UVRAG: variants seen among roughly 807,000 people sequenced by gnomAD.
UVRAG encodes UV radiation resistance-associated gene protein.
A neutral mutation model predicts 78.0 loss-of-function variants in UVRAG; 19 were observed. That is an observed-to-expected ratio of 0.24 (90% CI 0.17 to 0.36). The LOEUF (loss-of-function observed/expected upper bound fraction) is 0.36. UVRAG is among the 10% of genes least tolerant of loss of function. The pLI is 1.00. For synonymous variants in UVRAG, 323 were observed against 324.6 expected, an observed-to-expected ratio of 1.00 and a Z score of 0.05; for missense variants, 740 against 853.8, an observed-to-expected ratio of 0.87 and a Z score of 1.66.
intron 2 of UVRAG, among the ~76,000 whole-genome samples, chr11:75,853,874 G>A (rs1350861051): frequency 6.6e-6 from 1 of 151,982 alleles, no homozygotes; most frequent in Non-Finnish European, 1.5e-5. Flanking sequence ...CTGGGTTCAA[G>A]CAATTCTCCT....
At chr11:75,920,769 A>T (rs1409169514) in intron 6 of UVRAG, among the ~76,000 whole-genome samples, 2 of 152,172 alleles carry the variant, frequency 1.3e-5, no homozygotes, top group Non-Finnish European at 2.9e-5. Flanking sequence ...TATATAATTT[A>T]TGGTTTATGT....
intron 13 of UVRAG, among the ~76,000 whole-genome samples, chr11:76,086,981 A>T (rs1369456290): frequency 6.6e-6 from 1 of 152,224 alleles, no homozygotes; most frequent in Non-Finnish European, 1.5e-5. Flanking sequence ...TTATTGATGT[A>T]ATTTAACTTA....
intron 6 of UVRAG, chr11:75,930,931 C>CTT (rs1555089498): frequency 3.4e-5 from 4 of 118,776 alleles, no homozygotes; most frequent in Admixed American, 1.6e-4. Flanking sequence ...TCGGGATTTT[C>CTT]TTTCTTTCTT....
intron 12 of UVRAG, among the ~76,000 whole-genome samples, chr11:76,047,562 G>T (rs1231507972): frequency 6.6e-6 from 1 of 152,048 alleles, no homozygotes; most frequent in Non-Finnish European, 1.5e-5. Flanking sequence ...ACAAGGGAAG[G>T]GAAAAGAAAA....
At chr11:76,111,907 T>TA (rs111492918) in intron 13 of UVRAG, among the ~76,000 whole-genome samples, 15,337 of 119,098 alleles carry the variant, frequency 0.13, 2,240 homozygotes, top group African/African-American at 0.37. Flanking sequence ...CCTCTAATAT[T>TA]AAAAAAAAAA....
chr11:75,968,687 G>A (rs371215921), intron 7 of UVRAG, among the ~76,000 whole-genome samples: 1 of 152,128 alleles, frequency 6.6e-6, no homozygotes, highest in African/African-American at 2.4e-5. Flanking sequence ...TCCTAGCCAG[G>A]CATATCCCTG....
chr11:76,031,458 G>T (rs567651118), intron 12 of UVRAG, among the ~76,000 whole-genome samples: 8 of 152,250 alleles, frequency 5.3e-5, no homozygotes, highest in Admixed American at 2.0e-4. Context: ...ACACTTGGAG[G>T]TATATTGTTG....
chr11:76,021,865 A>G (rs1950251445), intron 12 of UVRAG, among the ~76,000 whole-genome samples: 1 of 152,146 alleles, frequency 6.6e-6, no homozygotes, highest in East Asian at 1.9e-4. Flanking sequence ...ACCAGCCTAG[A>G]CAACATGGCG....
chr11:75,898,334 A>G (rs544550233), intron 5 of UVRAG, among the ~76,000 whole-genome samples: 1 of 152,300 alleles, frequency 6.6e-6, no homozygotes, highest in South Asian at 2.1e-4. Context: ...ATTTCTGTAC[A>G]ATGAATTGCC....
At chr11:75,864,038 A>G (rs1946482373) in intron 3 of UVRAG, among the ~76,000 whole-genome samples, 1 of 149,258 alleles carries the variant, frequency 6.7e-6, no homozygotes, top group Non-Finnish European at 1.5e-5. Flanking sequence ...TTTCTTTTAT[A>G]TCTTAATAAA....
chr11:75,822,259 A>T (rs940259497), intron 1 of UVRAG, among the ~76,000 whole-genome samples: 1 of 152,118 alleles, frequency 6.6e-6, no homozygotes, highest in Non-Finnish European at 1.5e-5. Context: ...ATCACTGTTG[A>T]TTCTAACTTT....
intron 4 of UVRAG, among the ~76,000 whole-genome samples, chr11:75,884,240 T>TCTCTCTTTCTC (rs1555080662): frequency 2.9e-4 from 39 of 132,554 alleles, no homozygotes; most frequent in African/African-American, 1.2e-3. Context: ...CTCTCTCTCT[T>TCTCTCTTTCTC]TCTCTCTCTC....
intron 12 of UVRAG, among the ~76,000 whole-genome samples, chr11:76,039,477 G>T (rs537138279): frequency 1.3e-5 from 2 of 152,070 alleles, no homozygotes; most frequent in South Asian, 4.2e-4. Context: ...CTGGCCAATA[G>T]AATTATATGA....
intron 2 of UVRAG, among the ~76,000 whole-genome samples, chr11:75,860,002 A>G (rs548470867): frequency 4.5e-4 from 69 of 152,322 alleles, no homozygotes; most frequent in Middle Eastern, 3.4e-3. Flanking sequence ...CTGAAGTGCA[A>G]TGTGCAATCT....
intron 13 of UVRAG, among the ~76,000 whole-genome samples, chr11:76,066,891 A>G (rs548564212): frequency 1.3e-5 from 2 of 152,344 alleles, no homozygotes; most frequent in South Asian, 4.1e-4. Flanking sequence ...ATTGTGAGCT[A>G]TATCCTCAGA....
At chr11:75,856,635 C>T (rs567314564) in intron 2 of UVRAG, among the ~76,000 whole-genome samples, 4 of 152,066 alleles carry the variant, frequency 2.6e-5, no homozygotes, top group East Asian at 1.9e-4. Context: ...TTTGTAGAGC[C>T]GAGTTTTGCC....
intron 6 of UVRAG, among the ~76,000 whole-genome samples, chr11:75,941,341 CTG>C (rs1948479201): frequency 1.3e-5 from 2 of 152,052 alleles, no homozygotes; most frequent in Non-Finnish European, 2.9e-5. Flanking sequence ...TTTTCTAAAA[CTG>C]TAAGATATTT....
chr11:76,035,440 AT>A (rs1253013140), intron 12 of UVRAG, among the ~76,000 whole-genome samples: 1 of 152,122 alleles, frequency 6.6e-6, no homozygotes, highest in Non-Finnish European at 1.5e-5. Flanking sequence ...TTCCTTTTCT[AT>A]TTTTGTATTA....
At chr11:75,994,981 T>C (rs1311923971) in intron 8 of UVRAG, among the ~76,000 whole-genome samples, 1 of 152,192 alleles carries the variant, frequency 6.6e-6, no homozygotes, top group South Asian at 2.1e-4. Flanking sequence ...TTATTTCCTC[T>C]GCATAAACAA....
Sources: gnomAD v4.1 joint callset for allele counts (sites outside exome capture counted in the v4.1 genomes callset) on GRCh38, gnomAD v4.1.1 for gene constraint, MANE v1.5 for transcripts, NCBI Gene and HGNC (gene_info 2026-07-23, HGNC 2026-07-21) for gene names.